Variants in RSU1 observed in about 807,000 individuals in gnomAD.
RSU1 encodes rsu-1.
RSU1 carries 26 observed loss-of-function variants against 31.1 expected under a neutral mutation model. The ratio of observed to expected loss-of-function variants is 0.84; its 90% CI spans 0.61 to 1.16. The LOEUF (loss-of-function observed/expected upper bound fraction) is 1.16. RSU1 is among the 50% of genes most tolerant of loss of function. The pLI is 0.00. For missense variants in RSU1, 320 were observed against 339.1 expected (o/e 0.94, Z 0.44); for synonymous variants, 164 against 136.3 (o/e 1.20, Z -1.41).
At position 16,593,247 on chromosome 10, in the gene RSU1, T is replaced by G; in HGVS notation, c.*147A>C. On this transcript the variant is annotated 3_prime_UTR_variant, in exon 9 of 9. Transcript: ENST00000345264. ...CCACCTAGCAAAAGAATCTAAAAGG[T>G]AAGGTGGGAAGCATTAGAAAGAGAG... 2.2e-6 allele frequency: 3 copies of G among 1,389,530 alleles called. No homozygotes were observed. The allele number at this position is 1,389,530 out of a possible 1,614,324, so 86.1% of individuals were successfully genotyped here. A position where few individuals can be genotyped will look rare whatever the true frequency, so the allele number is the denominator to read the frequency against.
At chr10:16,799,541 TCCTGGGGGC>T (rs1162630835) in intron 2 of RSU1, among the ~76,000 whole-genome samples, 1 of 151,934 alleles carries the variant, frequency 6.6e-6, no homozygotes, top group Non-Finnish European at 1.5e-5. Flanking sequence ...AACAACAAGT[TCCTGGGGGC>T]CCGGTCTTAA....
intron 8 of RSU1, among the ~76,000 whole-genome samples, chr10:16,596,851 T>C (rs746557961): frequency 6.6e-6 from 1 of 152,142 alleles, no homozygotes; most frequent in Admixed American, 6.5e-5. Context: ...GTCTCCCAAG[T>C]AGCTGGAATT....
At chr10:16,785,935 G>T (rs951594666) in intron 2 of RSU1, among the ~76,000 whole-genome samples, 2 of 152,148 alleles carry the variant, frequency 1.3e-5, no homozygotes, top group African/African-American at 2.4e-5. Context: ...TAAACTTATT[G>T]TGTCTTTTGG....
chr10:16,607,500 G>T (rs1306585871), intron 8 of RSU1, among the ~76,000 whole-genome samples: 1 of 152,214 alleles, frequency 6.6e-6, no homozygotes, highest in Non-Finnish European at 1.5e-5. Context: ...CTAGCAGGGT[G>T]ATTTGCATTT....
chr10:16,774,687 C>A (rs1195473798), intron 3 of RSU1, among the ~76,000 whole-genome samples: 1 of 152,228 alleles, frequency 6.6e-6, no homozygotes, highest in African/African-American at 2.4e-5. Flanking sequence ...CTAAAGAATT[C>A]ATGGATGAAC....
chr10:16,759,658 C>T (rs535128238), intron 4 of RSU1, among the ~76,000 whole-genome samples: 4 of 152,224 alleles, frequency 2.6e-5, no homozygotes, highest in Admixed American at 2.6e-4. Context: ...AGTGAAGTTA[C>T]CCTAGAAATA....
intron 8 of RSU1, among the ~76,000 whole-genome samples, chr10:16,691,994 G>C (rs1212969694): frequency 6.6e-6 from 1 of 151,946 alleles, no homozygotes; most frequent in African/African-American, 2.4e-5. Flanking sequence ...CCTCCTCATG[G>C]TGAATCACCC....
chr10:16,633,240 G>T (rs1378615218), intron 8 of RSU1, among the ~76,000 whole-genome samples: 1 of 152,132 alleles, frequency 6.6e-6, no homozygotes. Flanking sequence ...CTGTGGCTGG[G>T]AGTCATTGCT....
At chr10:16,762,105 G>C (rs2131629155) in intron 4 of RSU1, among the ~76,000 whole-genome samples, 1 of 152,102 alleles carries the variant, frequency 6.6e-6, no homozygotes, top group Admixed American at 6.5e-5. Context: ...TGCCCCAATA[G>C]GTAAGGTCAG....
rs770131427 is a variant in RSU1, at chr10:16,590,653, A to G, written c.*2741T>C. ...CATGCATTTAATATTTTCTGATTAC[A>G]AAAGTATATGTGTTCATTAGAAAAA... On this transcript the variant is annotated 3_prime_UTR_variant, in exon 9 of 9. Transcript: ENST00000345264. The G allele has an allele frequency of 1.4e-4, 22 of 152,258 alleles. No homozygotes were observed. The highest frequency in any genetic ancestry group is 2.9e-4 in the Non-Finnish European group (20 of 68,048). The allele number at this position is 152,258 out of a possible 1,614,324, so 9.4% of individuals were successfully genotyped here. A position where few individuals can be genotyped will look rare whatever the true frequency, so the allele number is the denominator to read the frequency against.
intron 7 of RSU1, among the ~76,000 whole-genome samples, chr10:16,739,413 G>T (rs545741154): frequency 1.3e-5 from 2 of 150,002 alleles, no homozygotes; most frequent in African/African-American, 4.9e-5. Flanking sequence ...TCTAACTGGT[G>T]TGAGATGGTA....
chr10:16,777,293 C>CAA (rs1467799239), intron 3 of RSU1, among the ~76,000 whole-genome samples: 1 of 150,854 alleles, frequency 6.6e-6, no homozygotes, highest in Non-Finnish European at 1.5e-5. Context: ...ATGCCCAATA[C>CAA]AAAATACTAT....
intron 8 of RSU1, among the ~76,000 whole-genome samples, chr10:16,660,607 T>A (rs1445116284): frequency 6.6e-6 from 1 of 151,484 alleles, no homozygotes; most frequent in Non-Finnish European, 1.5e-5. Context: ...TTGTGTTATC[T>A]TTTTCATGAG....
At chr10:16,640,507 G>T (rs867634202) in intron 8 of RSU1, among the ~76,000 whole-genome samples, 1 of 152,146 alleles carries the variant, frequency 6.6e-6, no homozygotes, top group Non-Finnish European at 1.5e-5. Flanking sequence ...GCTACTAGAG[G>T]ATAAAAATCC....
At chr10:16,615,166 C>G (rs953125321) in intron 8 of RSU1, among the ~76,000 whole-genome samples, 2 of 148,456 alleles carry the variant, frequency 1.3e-5, no homozygotes, top group African/African-American at 5.0e-5. Flanking sequence ...AACAAAGGCT[C>G]AAAATAAAGG....
At chr10:16,717,969 A>G (rs1015172580) in intron 7 of RSU1, among the ~76,000 whole-genome samples, 1 of 152,204 alleles carries the variant, frequency 6.6e-6, no homozygotes, top group African/African-American at 2.4e-5. Context: ...GGTTAAAAAT[A>G]TGAAATACTG....
intron 2 of RSU1, among the ~76,000 whole-genome samples, chr10:16,784,865 A>G (rs1490823576): frequency 6.6e-6 from 1 of 152,188 alleles, no homozygotes; most frequent in East Asian, 1.9e-4. Context: ...ATAATTCAAG[A>G]TGAGATTTGG....
At chr10:16,716,587 G>A (rs1836145576) in intron 7 of RSU1, among the ~76,000 whole-genome samples, 1 of 152,114 alleles carries the variant, frequency 6.6e-6, no homozygotes, top group Non-Finnish European at 1.5e-5. Context: ...CTCATCAGGT[G>A]AGATAAGAAG....
chr10:16,704,795 A>T (rs561200653), intron 7 of RSU1, among the ~76,000 whole-genome samples: 1 of 152,286 alleles, frequency 6.6e-6, no homozygotes, highest in Non-Finnish European at 1.5e-5. Flanking sequence ...GTTATTTTTA[A>T]AAAAATAAAA....
Sources: gnomAD v4.1 joint callset for allele counts (sites outside exome capture counted in the v4.1 genomes callset) on GRCh38, gnomAD v4.1.1 for gene constraint, MANE v1.5 for transcripts, NCBI Gene and HGNC (gene_info 2026-07-23, HGNC 2026-07-21) for gene names.